Variants in IVD observed in about 807,000 individuals in gnomAD.
The protein encoded by IVD is isovaleryl-CoA dehydrogenase, also known as isovaleryl-CoA dehydrogenase, mitochondrial.
In IVD, 31 loss-of-function variants were observed where a neutral mutation model predicts 51.3. The ratio of observed to expected loss-of-function variants is 0.60; its 90% CI spans 0.45 to 0.81. The LOEUF is 0.81. IVD is among the 40% of genes least tolerant of loss of function. IVD has a pLI of 0.00. For missense variants in IVD, 475 were observed against 552.0 expected, an observed-to-expected ratio of 0.86 and a Z score of 1.40; for synonymous variants, 205 against 219.4, an observed-to-expected ratio of 0.93 and a Z score of 0.58.
intron 1 of IVD, chr15:40,406,415 G>T: frequency 8.6e-7 from 1 of 1,166,992 alleles, no homozygotes; most frequent in Non-Finnish European, 1.1e-6. Context: ...TAAACAGTTT[G>T]GGGGTTTTAA....
In IVD at chr15:40,420,938, C is replaced by T. The variant is rs926128171; in HGVS notation, c.*2675C>T. 82 of 985,416 alleles carry T rather than the reference C, an allele frequency of 8.3e-5. No individual in the cohort carries two copies. Among genetic ancestry groups the T allele is most frequent in the Non-Finnish European group, 9.4e-5 (78 of 830,016 alleles). 61.0% of individuals were successfully genotyped at this position (985,416 alleles called of 1,614,324 possible). A position where few individuals can be genotyped will look rare whatever the true frequency, so the allele number is the denominator to read the frequency against. On this transcript the variant is annotated 3_prime_UTR_variant, in exon 12 of 12. Transcript: ENST00000487418. ...GTTTTCTTGGTTCTCAGCCCAGCAGCACCTATCCTGGCTCTTGGTCCTGGC... is the reference window on the plus strand; with the variant it reads ...GTTTTCTTGGTTCTCAGCCCAGCAGTACCTATCCTGGCTCTTGGTCCTGGC...
Position 40,418,534 on chromosome 15 carries a change from A to T in IVD, c.*271A>T. The stretch of plus-strand genomic sequence containing the variant: ...GGGATTGTTGGGACAGGTTTTGGTG[A>T]CTCTGTGCCCTTGCTCTCTAACTTC... On this transcript the variant is annotated 3_prime_UTR_variant, in exon 12 of 12. Transcript: ENST00000487418. 7.9e-7 allele frequency: 1 copy of T among 1,259,432 alleles called. No homozygotes were observed. Among genetic ancestry groups the T allele is most frequent in the Non-Finnish European group, 1.0e-6 (1 of 987,810 alleles). The allele number at this position is 1,259,432 out of a possible 1,614,324, so 78.0% of individuals were successfully genotyped here. A position where few individuals can be genotyped will look rare whatever the true frequency, so the allele number is the denominator to read the frequency against.
chr15:40,418,746 T>C lies in IVD; in HGVS notation c.*483T>C, dbSNP rs566868717. 6 of 1,098,522 alleles carry C rather than the reference T, an allele frequency of 5.5e-6. No homozygotes were observed. The South Asian group carries it at 1.2e-4, about 23-fold the overall frequency. The allele number at this position is 1,098,522 out of a possible 1,614,324, so 68.0% of individuals were successfully genotyped here. A position where few individuals can be genotyped will look rare whatever the true frequency, so the allele number is the denominator to read the frequency against. ...ATTGGAACTTGGTACAGGTTAAGTA[T>C]CCCTAATCCTGAAATCTGAAACACT... On this transcript the variant is annotated 3_prime_UTR_variant, in exon 12 of 12. Coordinates refer to ENST00000487418, the MANE Select transcript of IVD (RefSeq NM_002225.5).
chr15:40,434,177 A>C (rs1269573132), intron 8 of IVD, among the ~76,000 whole-genome samples: 1 of 152,248 alleles, frequency 6.6e-6, no homozygotes, highest in African/African-American at 2.4e-5. Context: ...GTTGCAAGTG[A>C]AAATGTGCGC....
chr15:40,419,147 A>T lies in IVD; in HGVS notation c.*884A>T. 7.8e-7 allele frequency: 1 copy of T among 1,289,076 alleles called. No individual in the cohort carries two copies. The highest frequency in any genetic ancestry group is 1.0e-6 in the Non-Finnish European group (1 of 988,778). The allele number at this position is 1,289,076 out of a possible 1,614,324, so 79.9% of individuals were successfully genotyped here. Reference sequence around the variant, plus strand: ...GCAAAACTCTTCAAAAAACAAAACAAAACAAAAAAACCCTGGCCCTTGTTT... The same window carrying T: ...GCAAAACTCTTCAAAAAACAAAACATAACAAAAAAACCCTGGCCCTTGTTT... On this transcript the variant is annotated 3_prime_UTR_variant, in exon 12 of 12. Coordinates refer to ENST00000487418, the MANE Select transcript of IVD (RefSeq NM_002225.5).
downstream of IVD, among the ~76,000 whole-genome samples, chr15:40,427,532 C>T (rs1471480109): frequency 6.6e-6 from 1 of 152,196 alleles, no homozygotes; most frequent in Non-Finnish European, 1.5e-5. Flanking sequence ...CCTGCCCCCT[C>T]CCGCAAAGTC....
At chr15:40,409,049 C>T (rs763634963) in intron 3 of IVD, among the ~76,000 whole-genome samples, 1 of 152,116 alleles carries the variant, frequency 6.6e-6, no homozygotes, top group Non-Finnish European at 1.5e-5. Flanking sequence ...AAAGTTATAT[C>T]ACCTTTCATA....
chr15:40,435,417 G>A (rs951578820), exon 9 of IVD: 2 of 1,197,898 alleles, frequency 1.7e-6, no homozygotes, highest in South Asian at 1.5e-5. Context: ...TTTCCCCTAG[G>A]GCAGACCTTT....
At chr15:40,428,693 C>T (rs576853139), downstream of IVD, among the ~76,000 whole-genome samples, 3 of 152,278 alleles carry the variant, frequency 2.0e-5, no homozygotes, top group East Asian at 5.8e-4. Flanking sequence ...TCCAAGGGGG[C>T]TGCAACCTCC....
intron 1 of IVD, chr15:40,406,391 G>C: frequency 7.9e-7 from 1 of 1,257,914 alleles, no homozygotes. Flanking sequence ...AATCACCAGG[G>C]AGTCTTTTTT....
chr15:40,432,512 G>C (rs2141436248), intron 7 of IVD, among the ~76,000 whole-genome samples: 1 of 152,372 alleles, frequency 6.6e-6, no homozygotes, highest in Middle Eastern at 3.4e-3. Context: ...GTGTCTGCTG[G>C]AAAGGGCTGG....
downstream of IVD, among the ~76,000 whole-genome samples, chr15:40,426,202 C>T (rs1214163326): frequency 1.3e-5 from 2 of 152,114 alleles, no homozygotes; most frequent in Admixed American, 1.3e-4. Flanking sequence ...GTCCATTCTA[C>T]TGTCGATGGA....
intron 6 of IVD, chr15:40,412,517 T>C (rs1256348533): frequency 4.8e-6 from 1 of 207,806 alleles, no homozygotes; most frequent in Non-Finnish European, 9.8e-6. Context: ...GAAGGCAGCA[T>C]GTGCCAGCAC....
Position 40,418,566 on chromosome 15 carries a change from CA to C in IVD, c.*304del. 2 of 937,694 alleles carry C rather than the reference CA, an allele frequency of 2.1e-6. No individual in the cohort carries two copies. Among genetic ancestry groups the C allele is most frequent in the Admixed American group, 4.4e-5 (1 of 22,972 alleles). 58.1% of individuals were successfully genotyped at this position (937,694 alleles called of 1,614,324 possible). ...GCCCTTGCTCTCTAACTTCTGAGCC[CA>C]CCTCCCAGGGTAGGCACCTGGGGGC... On this transcript the variant is annotated 3_prime_UTR_variant, in exon 12 of 12. Transcript: ENST00000487418.
At chr15:40,424,289 C>T (rs1197495312), downstream of IVD, 1 of 829,408 alleles carries the variant, frequency 1.2e-6, no homozygotes. Flanking sequence ...TGCTTCCCTC[C>T]TTCCCTGCTG....
At chr15:40,416,485 C>T (rs1891696785) in intron 11 of IVD, 123 bp downstream of exon 11, 5 of 859,250 alleles carry the variant, frequency 5.8e-6, no homozygotes, top group Admixed American at 2.0e-5. Context: ...TTTGGGAGGC[C>T]GAGGTAGGCA....
At chr15:40,415,043 C>T (rs947880762) in intron 8 of IVD, 61 bp downstream of exon 8, 16 of 1,587,162 alleles carry the variant, frequency 1.0e-5, no homozygotes, top group Admixed American at 8.6e-5. Flanking sequence ...GGTGACCCAC[C>T]ATGAGCAGCA....
At position 40,411,620 on chromosome 15, in the gene IVD, AT is replaced by A. The variant is rs781630355; in HGVS notation, c.618del (p.Ile206MetfsTer40). The A allele has an allele frequency of 2.6e-5, 42 of 1,614,000 alleles. No homozygotes were observed. Among genetic ancestry groups the A allele is most frequent in the Non-Finnish European group, 3.3e-5 (39 of 1,180,000 alleles). On this transcript the variant is annotated frameshift_variant, in exon 6 of 12. Coordinates refer to ENST00000487418, the MANE Select transcript of IVD (RefSeq NM_002225.5). LOFTEE classifies it high-confidence loss of function. ...ITNGPDADVL[I>X]VYAKTDLAAV... Reference sequence around the variant, plus strand: ...TAATGGCCCTGATGCTGACGTCCTGATTGTCTATGCCAAGACAGATCTGGCT... The same window carrying A: ...TAATGGCCCTGATGCTGACGTCCTGATGTCTATGCCAAGACAGATCTGGCT...
downstream of IVD, among the ~76,000 whole-genome samples, chr15:40,428,578 T>C (rs764961515): frequency 6.6e-6 from 1 of 152,106 alleles, no homozygotes; most frequent in Non-Finnish European, 1.5e-5. Context: ...CCCAGGTGCT[T>C]GGAACCTGGC....
Sources: gnomAD v4.1 joint callset for allele counts (sites outside exome capture counted in the v4.1 genomes callset) on GRCh38, gnomAD v4.1.1 for gene constraint, MANE v1.5 for transcripts, NCBI Gene and HGNC (gene_info 2026-07-23, HGNC 2026-07-21) for gene names.